The following FSTL4 variants were observed in gnomAD, a reference collection of about 807,000 sequenced individuals.
FSTL4 encodes the protein follistatin like 4, also known as follistatin-related protein 4.
Under a neutral mutation model 78.2 loss-of-function variants are expected in FSTL4, and 28 were observed. The observed-to-expected ratio is 0.36, with a 90% CI of 0.27 to 0.49. The LOEUF (loss-of-function observed/expected upper bound fraction) is 0.49, where lower values mean the gene tolerates loss of function less well. FSTL4 is among the 20% of genes least tolerant of loss of function. FSTL4 has a pLI of 0.98. For missense variants in FSTL4, 922 were observed against 1,084.9 expected (o/e 0.85, Z 2.11); for synonymous variants, 422 against 440.5 (o/e 0.96, Z 0.53).
chr5:133,214,006 AGAG>A (rs937688991), intron 13 of FSTL4, among the ~76,000 whole-genome samples: 1 of 152,228 alleles, frequency 6.6e-6, no homozygotes, highest in African/African-American at 2.4e-5. Context: ...CCAGAGATAA[AGAG>A]GGATATTTTG....
At chr5:133,365,964 A>G (rs557432495) in intron 4 of FSTL4, among the ~76,000 whole-genome samples, 1 of 151,874 alleles carries the variant, frequency 6.6e-6, no homozygotes, top group East Asian at 1.9e-4. Context: ...CCCTTCTTCC[A>G]CCCCTTGCAG....
At chr5:133,342,661 C>T (rs75170523) in intron 4 of FSTL4, among the ~76,000 whole-genome samples, 11,828 of 152,210 alleles carry the variant, frequency 0.078, 524 homozygotes, top group Non-Finnish European at 0.093. Flanking sequence ...AGAGACACCC[C>T]AGACACAGGG....
At chr5:133,241,215 A>G (rs1392273639) in intron 7 of FSTL4, among the ~76,000 whole-genome samples, 2 of 152,216 alleles carry the variant, frequency 1.3e-5, no homozygotes, top group Admixed American at 6.5e-5. Context: ...TTTTTGCTGT[A>G]TTAAACTTTA....
chr5:133,700,146 C>T, the FSTL4 span, among the ~76,000 whole-genome samples: 2 of 151,696 alleles, frequency 1.3e-5, no homozygotes, highest in South Asian at 2.1e-4. Flanking sequence ...CAAAACATCA[C>T]ACTGAACCAC....
chr5:133,453,276 C>A (rs938008709), intron 3 of FSTL4, among the ~76,000 whole-genome samples: 4 of 151,940 alleles, frequency 2.6e-5, no homozygotes, highest in African/African-American at 9.7e-5. Flanking sequence ...TTCATCATCA[C>A]CATCATCATC....
chr5:133,803,651 A>T, the FSTL4 span, among the ~76,000 whole-genome samples: 1 of 152,138 alleles, frequency 6.6e-6, no homozygotes, highest in Non-Finnish European at 1.5e-5. Context: ...TGGAGTAGGG[A>T]TGCTCCTCTA....
the FSTL4 span, among the ~76,000 whole-genome samples, chr5:133,832,133 T>C: frequency 1.3e-5 from 2 of 152,234 alleles, no homozygotes; most frequent in South Asian, 4.1e-4. Context: ...GAGGGGTTTA[T>C]GCTGTCTCAG....
At chr5:133,623,776 AC>A in the FSTL4 span, among the ~76,000 whole-genome samples, 1 of 152,052 alleles carries the variant, frequency 6.6e-6, no homozygotes, top group Non-Finnish European at 1.5e-5. Flanking sequence ...TGACTCAACA[AC>A]AAAAAGATGA....
At chr5:133,836,809 C>T in the FSTL4 span, among the ~76,000 whole-genome samples, 1 of 152,198 alleles carries the variant, frequency 6.6e-6, no homozygotes, top group Non-Finnish European at 1.5e-5. Context: ...CCTTGGAAGT[C>T]AGTGTCACGC....
intron 3 of FSTL4, among the ~76,000 whole-genome samples, chr5:133,536,642 T>C (rs1450953537): frequency 2.0e-5 from 3 of 152,180 alleles, no homozygotes; most frequent in African/African-American, 7.2e-5. Context: ...ATTATCCATG[T>C]ATAATTTATG....
chr5:133,827,805 G>A, the FSTL4 span, among the ~76,000 whole-genome samples: 1 of 151,916 alleles, frequency 6.6e-6, no homozygotes, highest in South Asian at 2.1e-4. Flanking sequence ...AACAACCCAG[G>A]GTTGACAAAG....
upstream of FSTL4, among the ~76,000 whole-genome samples, chr5:133,614,304 C>A (rs1212195421): frequency 6.6e-6 from 1 of 152,086 alleles, no homozygotes; most frequent in Non-Finnish European, 1.5e-5. Context: ...TATAGGTTGA[C>A]CAAGATCAGA....
rs1751657826 is a variant in FSTL4, at chr5:133,236,259, C to T, written c.895-2722G>A. Among the ~76,000 whole-genome samples the T allele has an allele frequency of 6.6e-6, 1 of 151,858 alleles. No individual in the cohort carries two copies. The highest frequency in any genetic ancestry group is 1.5e-5 in the Non-Finnish European group (1 of 67,850). The stretch of plus-strand genomic sequence containing the variant: ...GTTTAGTCATCAGCACCACCACATT[C>T]CTCAGGTTGAGATGGGCCCTGGGCT... On this transcript the variant is annotated intron_variant, in intron 7 of 15. Coordinates refer to ENST00000265342, the MANE Select transcript of FSTL4 (RefSeq NM_015082.2). This position sits in a 1 kb window ranked among gnomAD's most constrained non-coding sequence, Gnocchi z 5.0.
intron 4 of FSTL4, among the ~76,000 whole-genome samples, chr5:133,390,022 C>A (rs961147911): frequency 3.3e-5 from 5 of 152,172 alleles, no homozygotes; most frequent in Admixed American, 6.5e-5. Flanking sequence ...GTAGACCAGG[C>A]CTTTGGGCAT....
intron 3 of FSTL4, among the ~76,000 whole-genome samples, chr5:133,480,590 T>C (rs1024465388): frequency 3.9e-5 from 6 of 151,994 alleles, no homozygotes; most frequent in Admixed American, 2.6e-4. Context: ...CCGGTTCTAC[T>C]TGTGGGCCCA....
At chr5:133,332,860 A>G (rs1261989792) in intron 4 of FSTL4, among the ~76,000 whole-genome samples, 1 of 152,174 alleles carries the variant, frequency 6.6e-6, no homozygotes, top group Non-Finnish European at 1.5e-5. Context: ...TTTGGTGAGG[A>G]TAACACTCTG....
At chr5:133,661,988 A>C in the FSTL4 span, among the ~76,000 whole-genome samples, 1 of 152,238 alleles carries the variant, frequency 6.6e-6, no homozygotes, top group Non-Finnish European at 1.5e-5. Flanking sequence ...CAATTAAAAA[A>C]CAATTTTATT....
chr5:133,799,177 T>C, the FSTL4 span, among the ~76,000 whole-genome samples: 11,973 of 136,476 alleles, frequency 0.088, 2,462 homozygotes, highest in East Asian at 0.18. Flanking sequence ...CCCCTGGGCA[T>C]GTAAGCTAAT....
At chr5:133,295,986 C>T (rs3943874) in intron 6 of FSTL4, among the ~76,000 whole-genome samples, 3 of 151,912 alleles carry the variant, frequency 2.0e-5, no homozygotes, top group African/African-American at 4.8e-5. Context: ...TTCAGCCTAG[C>T]CCTCTCCTCG....
Sources: gnomAD v4.1 joint callset for allele counts (sites outside exome capture counted in the v4.1 genomes callset) on GRCh38, gnomAD v4.1.1 for gene constraint, Gnocchi (gnomAD v3.1) non-coding constraint, MANE v1.5 for transcripts, NCBI Gene and HGNC (gene_info 2026-07-23, HGNC 2026-07-21) for gene names.